DNAH7: variants seen among roughly 807,000 people sequenced by gnomAD.
DNAH7 encodes the protein dynein axonemal heavy chain 7.
Under a neutral mutation model 444.6 loss-of-function variants are expected in DNAH7, and 397 were observed. The ratio of observed to expected loss-of-function variants is 0.89; its 90% CI spans 0.82 to 0.97. The LOEUF (loss-of-function observed/expected upper bound fraction) is 0.97. Among genes scored for constraint, DNAH7 ranks in the 50% least tolerant of loss-of-function variants. DNAH7 has a pLI of 0.00. For synonymous variants in DNAH7, 1,636 were observed against 1,624.4 expected, an observed-to-expected ratio of 1.01 and a Z score of -0.17; for missense variants, 4,902 against 4,800.8, an observed-to-expected ratio of 1.02 and a Z score of -0.62.
At chr2:195,885,840 A>G (rs1701676997) in intron 34 of DNAH7, among the ~76,000 whole-genome samples, 1 of 152,204 alleles carries the variant, frequency 6.6e-6, no homozygotes, top group African/African-American at 2.4e-5. Flanking sequence ...CAAAATGGTC[A>G]CTGACATTTT....
chr2:195,806,862 T>C, intron 53 of DNAH7, 30 bp from the exon 54 acceptor site: 2 of 1,567,324 alleles, frequency 1.3e-6, no homozygotes, highest in Non-Finnish European at 1.8e-6. Flanking sequence ...AATTCAGTTA[T>C]TTTGGAGATT....
intron 5 of DNAH7, among the ~76,000 whole-genome samples, chr2:196,044,203 ATGTGTG>A (rs367981308): frequency 5.4e-5 from 8 of 146,998 alleles, no homozygotes; most frequent in African/African-American, 1.5e-4. Context: ...ATATATATAT[ATGTGTG>A]TGTGTGTGTG....
intron 34 of DNAH7, among the ~76,000 whole-genome samples, chr2:195,885,062 A>T (rs982518321): frequency 1.3e-5 from 2 of 152,204 alleles, no homozygotes; most frequent in Admixed American, 6.5e-5. Flanking sequence ...CAGAATGATT[A>T]ATCTAGTAAA....
At chr2:195,742,545 TAC>T (rs1163169753) in intron 63 of DNAH7, among the ~76,000 whole-genome samples, 12 of 152,238 alleles carry the variant, frequency 7.9e-5, no homozygotes, top group African/African-American at 2.9e-4. Flanking sequence ...AATCTTTAAA[TAC>T]ATTCTTATTT....
At position 195,778,681 on chromosome 2, in the gene DNAH7, CAT is replaced by C. The variant is rs1185211093; in HGVS notation, c.10879-698_10879-697del. 1.6e-4 allele frequency among the ~76,000 whole-genome samples: 15 copies of C among 96,142 alleles called. 2 individuals are homozygous for C. The highest frequency in any genetic ancestry group is 6.5e-4 in the African/African-American group (15 of 23,114). The allele number at this position is 96,142 out of a possible 152,430, so 63.1% of individuals were successfully genotyped here. The stretch of plus-strand genomic sequence containing the variant: ...ATATATATATATATACACACACACA[CAT>C]ATATATACACATATATATATACACA... On this transcript the variant is annotated intron_variant, in intron 58 of 64. Transcript: ENST00000312428.
intron 47 of DNAH7, among the ~76,000 whole-genome samples, chr2:195,835,430 A>G (rs1204151131): frequency 2.0e-5 from 3 of 152,006 alleles, no homozygotes; most frequent in Admixed American, 1.3e-4. Flanking sequence ...GGGGGATATA[A>G]CAGGATAACA....
chr2:195,919,529 G>A (rs965361124), intron 24 of DNAH7, among the ~76,000 whole-genome samples: 2 of 151,970 alleles, frequency 1.3e-5, no homozygotes, highest in African/African-American at 2.4e-5. Context: ...ATTTTTAGTA[G>A]AGACAGGTTT....
At chr2:195,801,505 A>G (rs1696454360) in intron 54 of DNAH7, among the ~76,000 whole-genome samples, 1 of 152,138 alleles carries the variant, frequency 6.6e-6, no homozygotes, top group African/African-American at 2.4e-5. Flanking sequence ...TAATGGAAAG[A>G]TTTTTTGAAG....
intron 5 of DNAH7, 26 bp downstream of exon 5, chr2:196,047,325 AC>A: frequency 4.6e-6 from 7 of 1,524,366 alleles, no homozygotes; most frequent in Non-Finnish European, 6.2e-6. Flanking sequence ...CATGGGTAAC[AC>A]GTAATGGTTA....
At position 195,798,792 on chromosome 2, in the gene DNAH7, C is replaced by T. The variant is rs184289791; in HGVS notation, c.10353+504G>A. Among the ~76,000 whole-genome samples, 137 of 151,960 alleles carry T rather than the reference C, an allele frequency of 9.0e-4. 1 individual carries two copies. Among genetic ancestry groups the T allele is most frequent in the African/African-American group, 2.7e-3 (111 of 41,438 alleles). The stretch of plus-strand genomic sequence containing the variant: ...CGATGTCCTGACCTCGTGATCTGCC[C>T]GCCTCGGCCTCCCAAAGTGTTGGGA... On this transcript the variant is annotated intron_variant, in intron 55 of 64. Coordinates refer to ENST00000312428, the MANE Select transcript of DNAH7 (RefSeq NM_018897.3).
chr2:195,838,484 A>G (rs1424138137), intron 47 of DNAH7, among the ~76,000 whole-genome samples: 1 of 152,102 alleles, frequency 6.6e-6, no homozygotes, highest in African/African-American at 2.4e-5. Flanking sequence ...AGAAAGGATA[A>G]TGAGCACCAA....
chr2:196,061,526 A>G (rs1280016344), intron 1 of DNAH7, among the ~76,000 whole-genome samples: 1 of 152,158 alleles, frequency 6.6e-6, no homozygotes, highest in South Asian at 2.1e-4. Context: ...ACCATTATTT[A>G]AGCTAAAATC....
chr2:195,838,161 A>C (rs921288025), intron 47 of DNAH7, among the ~76,000 whole-genome samples: 10 of 152,166 alleles, frequency 6.6e-5, no homozygotes, highest in African/African-American at 2.2e-4. Context: ...CTGAACTGAC[A>C]TTGCAACATC....
intron 19 of DNAH7, among the ~76,000 whole-genome samples, chr2:195,949,129 A>G (rs1339753955): frequency 6.6e-6 from 1 of 152,192 alleles, no homozygotes; most frequent in East Asian, 1.9e-4. Flanking sequence ...TGATTTCTGC[A>G]CACTGATTTT....
At chr2:195,867,708 T>A (rs1700427948) in intron 40 of DNAH7, among the ~76,000 whole-genome samples, 1 of 152,210 alleles carries the variant, frequency 6.6e-6, no homozygotes, top group African/African-American at 2.4e-5. Context: ...GTGTATGGAC[T>A]TTTTAACTTA....
At chr2:196,025,488 C>A (rs1486416836) in intron 7 of DNAH7, among the ~76,000 whole-genome samples, 1 of 152,112 alleles carries the variant, frequency 6.6e-6, no homozygotes, top group African/African-American at 2.4e-5. Context: ...TATGCTTTGG[C>A]TTCAGAACTG....
intron 5 of DNAH7, among the ~76,000 whole-genome samples, chr2:196,044,525 T>G (rs558855611): frequency 4.6e-5 from 7 of 151,942 alleles, no homozygotes; most frequent in Non-Finnish European, 1.0e-4. Flanking sequence ...CACCAAAATC[T>G]CAGAAATCAC....
At chr2:196,064,954 A>G (rs965123109) in intron 1 of DNAH7, among the ~76,000 whole-genome samples, 5 of 152,202 alleles carry the variant, frequency 3.3e-5, no homozygotes, top group Non-Finnish European at 7.3e-5. Context: ...ATATACATAC[A>G]TATGTGTGTA....
At chr2:195,921,322 A>G (rs1688008000) in intron 24 of DNAH7, among the ~76,000 whole-genome samples, 1 of 151,058 alleles carries the variant, frequency 6.6e-6, no homozygotes, top group Admixed American at 6.6e-5. Context: ...AATGCCCATC[A>G]GTCAATGAGT....
Sources: allele counts gnomAD v4.1 joint callset (sites outside exome capture counted in the v4.1 genomes callset), GRCh38; gene constraint gnomAD v4.1.1; transcripts MANE v1.5; gene names NCBI Gene and HGNC (gene_info 2026-07-23, HGNC 2026-07-21).